The following CCDC40 variants were observed in gnomAD, a reference collection of about 807,000 sequenced individuals.
CCDC40 encodes the protein coiled-coil domain-containing protein 40.
In CCDC40, 104 loss-of-function variants were observed where a neutral mutation model predicts 124.5. The observed-to-expected ratio is 0.84, with a 90% CI of 0.71 to 0.98. The LOEUF (loss-of-function observed/expected upper bound fraction) is 0.98. CCDC40 is among the 50% of genes least tolerant of loss of function. The pLI, the probability that CCDC40 is intolerant of heterozygous loss-of-function variation, is 0.00. For missense variants in CCDC40, 1,463 were observed against 1,503.9 expected (o/e 0.97, Z 0.45); for synonymous variants, 580 against 602.9 (o/e 0.96, Z 0.56).
chr17:80,064,227 C>T (rs1720136420), intron 9 of CCDC40, among the ~76,000 whole-genome samples: 1 of 152,214 alleles, frequency 6.6e-6, no homozygotes, highest in Admixed American at 6.5e-5. Flanking sequence ...ATGCCCGGCG[C>T]TGCCCTCGGC....
At chr17:80,044,737 A>C (rs111748303) in intron 3 of CCDC40, among the ~76,000 whole-genome samples, 10,131 of 139,206 alleles carry the variant, frequency 0.073, 1,361 homozygotes, top group African/African-American at 0.26. Context: ...ATATATATAT[A>C]TCTCAACAAC....
intron 10 of CCDC40, among the ~76,000 whole-genome samples, chr17:80,071,831 CTTTTTTTTTTT>C (rs35874742): frequency 3.4e-5 from 3 of 88,970 alleles, no homozygotes; most frequent in Non-Finnish European, 6.2e-5. Context: ...GGTTTTTCAG[CTTTTTTTTTTT>C]TTTTTTTTTT....
chr17:80,045,532 C>T (rs1012459253), intron 3 of CCDC40, among the ~76,000 whole-genome samples: 2 of 152,016 alleles, frequency 1.3e-5, no homozygotes, highest in African/African-American at 2.4e-5. Flanking sequence ...GGCAAAACCC[C>T]GTCTCTACTA....
chr17:80,050,831 A>G lies in CCDC40; in HGVS notation c.1159+548A>G, dbSNP rs540471539. Reference sequence around the variant, plus strand: ...GAGCGTAGAGATTCAAAACTGGGAGAGATGGGTGAGCTGCAGAGGTCCCAG... The same window carrying G: ...GAGCGTAGAGATTCAAAACTGGGAGGGATGGGTGAGCTGCAGAGGTCCCAG... On this transcript the variant is annotated intron_variant, in intron 7 of 19. Transcript: ENST00000397545. Among the ~76,000 whole-genome samples, 10 of 152,292 alleles carry G rather than the reference A, an allele frequency of 6.6e-5. No homozygotes were observed. In the South Asian group the frequency reaches 1.9e-3, roughly 28 times the overall value.
At chr17:80,085,563 C>G in intron 13 of CCDC40, among the ~76,000 whole-genome samples, 1 of 152,080 alleles carries the variant, frequency 6.6e-6, no homozygotes, top group East Asian at 1.9e-4. Flanking sequence ...CTGCTGAGAG[C>G]TAACTTGAGC....
chr17:80,069,418 C>T (rs565862108), intron 10 of CCDC40, among the ~76,000 whole-genome samples: 50 of 152,266 alleles, frequency 3.3e-4, no homozygotes, highest in Non-Finnish European at 5.7e-4. Context: ...AAACATGAAA[C>T]GTGTTATTCT....
rs139435501 is a variant in CCDC40, at chr17:80,086,154, C to G, written c.2387C>G (p.Ala796Gly). 1.6e-4 allele frequency: 265 copies of G among 1,613,888 alleles called. 10 individuals carry two copies. In the East Asian group the frequency reaches 5.3e-3, roughly 32 times the overall value. ...KVTQEQEEQL[A>G]SLDASKKELH... The stretch of plus-strand genomic sequence containing the variant: ...ACACAGGAGCAGGAGGAGCAGCTGG[C>G]CTCCCTGGACGCATCCAAGAAGGAG... Residue 796 changes from alanine (A) to glycine (G), a missense_variant, in exon 14 of 20, where the codon GCC becomes GGC. Ala to Gly is a moderately conservative substitution (Grantham distance 60, BLOSUM62 0). Transcript: ENST00000397545. This position sits in a 1 kb window ranked among gnomAD's most constrained non-coding sequence, Gnocchi z 5.5.
intron 7 of CCDC40, among the ~76,000 whole-genome samples, chr17:80,056,891 A>G (rs1210451965): frequency 6.0e-4 from 91 of 151,036 alleles, no homozygotes; most frequent in Admixed American, 6.0e-3. Context: ...AAAAAATACA[A>G]TTACTCGGGC....
chr17:80,037,036 C>T (rs568428723), intron 1 of CCDC40, among the ~76,000 whole-genome samples: 1 of 152,292 alleles, frequency 6.6e-6, no homozygotes, highest in South Asian at 2.1e-4. Context: ...TGCGCGCAGT[C>T]CTCCTAAGAG....
intron 9 of CCDC40, among the ~76,000 whole-genome samples, chr17:80,060,858 C>T (rs141433354): frequency 6.6e-5 from 10 of 152,276 alleles, no homozygotes; most frequent in East Asian, 3.9e-4. Flanking sequence ...CCAATGATGT[C>T]GGGACATTTG....
intron 3 of CCDC40, among the ~76,000 whole-genome samples, chr17:80,041,878 C>T (rs1459343480): frequency 2.0e-5 from 3 of 152,124 alleles, no homozygotes; most frequent in Non-Finnish European, 4.4e-5. Flanking sequence ...ATGATGTTCA[C>T]TTCTGTCACC....
At chr17:80,090,064 A>G (rs1339613068) in intron 17 of CCDC40, 180 bp downstream of exon 17, 1 of 1,536,520 alleles carries the variant, frequency 6.5e-7, no homozygotes, top group Non-Finnish European at 8.7e-7. Context: ...AGTGACCTGC[A>G]CTCCAGCCGA....
In CCDC40 at chr17:80,090,243, A is replaced by G. The variant is rs768608508; in HGVS notation, c.2832+359A>G. 2.3e-6 allele frequency: 2 copies of G among 875,148 alleles called. 1 individual carries two copies. The highest frequency in any genetic ancestry group is 3.3e-6 in the Non-Finnish European group (2 of 605,234). 54.2% of individuals were successfully genotyped at this position (875,148 alleles called of 1,614,324 possible). On this transcript the variant is annotated intron_variant, in intron 17 of 19. Transcript: ENST00000397545. ...ACACGGGACGCGCGCAGGCACGTGCACGAACAACACGGGACGCGCGCGGGC... is the reference window on the plus strand; with the variant it reads ...ACACGGGACGCGCGCAGGCACGTGCGCGAACAACACGGGACGCGCGCGGGC...
In CCDC40 at chr17:80,099,518, C is replaced by G. The variant is rs772841915; in HGVS notation, c.3181-9C>G. 11 of 1,605,490 alleles carry G rather than the reference C, an allele frequency of 6.9e-6. No homozygotes were observed. The highest frequency in any genetic ancestry group is 9.3e-6 in the Non-Finnish European group (11 of 1,179,892). ...CATAGCCCTATATGGAGTCTCTTTTCCTACCCAGAACCTTTCAGAGATCGT... is the reference window on the plus strand; with the variant it reads ...CATAGCCCTATATGGAGTCTCTTTTGCTACCCAGAACCTTTCAGAGATCGT... On this transcript the variant is annotated splice_polypyrimidine_tract_variant and intron_variant, in intron 19 of 19. Transcript: ENST00000397545.
At chr17:80,085,902 T>C in intron 13 of CCDC40, 101 bp from the exon 14 acceptor site, 2 of 1,072,632 alleles carry the variant, frequency 1.9e-6, no homozygotes, top group Middle Eastern at 2.9e-4. Context: ...ACTCCTGACC[T>C]CGGGTGATCC....
chr17:80,058,379 A>C lies in CCDC40; in HGVS notation c.1160-115A>C. On this transcript the variant is annotated intron_variant, in intron 7 of 19. Coordinates refer to ENST00000397545, the MANE Select transcript of CCDC40 (RefSeq NM_017950.4). The surrounding 1 kb of genome is among the most constrained non-coding windows in gnomAD (Gnocchi z 4.2). ...TTTCCCAGTCTTACCCAAAAATGGC[A>C]GGAAGGGTGCCCAGAACGGCTGTTC... 1 of 889,600 alleles carries C rather than the reference A, an allele frequency of 1.1e-6. No individual in the cohort carries two copies. Among genetic ancestry groups the C allele is most frequent in the Non-Finnish European group, 1.8e-6 (1 of 553,344 alleles). The allele number at this position is 889,600 out of a possible 1,614,324, so 55.1% of individuals were successfully genotyped here. A position where few individuals can be genotyped will look rare whatever the true frequency, so the allele number is the denominator to read the frequency against.
Position 80,084,938 on chromosome 17 carries a change from C to T in CCDC40, c.2185C>T (p.Leu729Phe), listed in dbSNP as rs2038546542. Residue 729 changes from leucine to phenylalanine, a missense_variant, in exon 13 of 20, where the codon CTC becomes TTC. Leu to Phe is a conservative substitution (Grantham distance 22, BLOSUM62 0). Transcript: ENST00000397545. ...GATCCTGATCGAGAGGAAGCAAGGG[C>T]TCATCAACTTCCTCAACAAGCAGCT... The part of the protein sequence containing the change: ...RTILIERKQG[L>F]INFLNKQLER... 2.5e-6 allele frequency: 4 copies of T among 1,613,968 alleles called. No individual in the cohort carries two copies. The highest frequency in any genetic ancestry group is 1.7e-6 in the Non-Finnish European group (2 of 1,180,032).
chr17:80,070,998 C>T (rs186471892), intron 10 of CCDC40, among the ~76,000 whole-genome samples: 13 of 152,298 alleles, frequency 8.5e-5, no homozygotes, highest in Admixed American at 8.5e-4. Context: ...ACCGGGCCTG[C>T]CACACCAACC....
Position 80,088,044 on chromosome 17 carries a change from A to G in CCDC40, c.2653A>G (p.Lys885Glu), listed in dbSNP as rs781111289. ...SERETIKMQD[K>E]LNQLSEEKAT... ...GAGGGAGACCATCAAGATGCAGGAC[A>G]AGCTGAACCAGCTCAGCGAGGAGAA... Residue 885 changes from lysine to glutamate, a missense_variant, in exon 16 of 20, where the codon AAG (lysine) becomes GAG (glutamate). Transcript: ENST00000397545. 3 of 1,613,348 alleles carry G rather than the reference A, an allele frequency of 1.9e-6. No homozygotes were observed. In the Admixed American group the frequency reaches 5.0e-5, roughly 27 times the overall value.
Sources: gnomAD v4.1 joint callset for allele counts (sites outside exome capture counted in the v4.1 genomes callset) on GRCh38, gnomAD v4.1.1 for gene constraint, Gnocchi (gnomAD v3.1) non-coding constraint, MANE v1.5 for transcripts, NCBI Gene and HGNC (gene_info 2026-07-23, HGNC 2026-07-21) for gene names.